Variants in FRMPD4 observed in about 807,000 individuals in gnomAD.
FRMPD4 encodes FERM and PDZ domain-containing protein 4.
A neutral mutation model predicts 94.1 loss-of-function variants in FRMPD4; 22 were observed. The ratio of observed to expected loss-of-function variants is 0.23; its 90% CI spans 0.17 to 0.33. The LOEUF is 0.33. Among genes scored for constraint, FRMPD4 ranks in the 10% least tolerant of loss-of-function variants. FRMPD4 has a pLI of 1.00. For synonymous variants in FRMPD4, 631 were observed against 548.6 expected, an observed-to-expected ratio of 1.15 and a Z score of -2.10; for missense variants, 1,111 against 1,339.9, an observed-to-expected ratio of 0.83 and a Z score of 2.67.
At chrX:12,309,448 G>T (rs1257505289) in intron 1 of FRMPD4, among the ~76,000 whole-genome samples, 2 of 112,563 alleles carry the variant, frequency 1.8e-5, no homozygotes, top group African/African-American at 6.4e-5. Context: ...ACTTGTGTTT[G>T]CAGTACTTAA....
intron 1 of FRMPD4, among the ~76,000 whole-genome samples, chrX:12,374,315 C>G (rs968455257): frequency 8.9e-6 from 1 of 111,893 alleles, no homozygotes; most frequent in African/African-American, 3.2e-5. Context: ...GAGAAAGAGA[C>G]TTTCTTTGAG....
At position 11,840,884 on chromosome X, in the gene FRMPD4, T is replaced by A. The variant is rs1275350220; in HGVS notation, c.-161+18169T>A. Among the ~76,000 whole-genome samples, 189 of 84,353 alleles carry A rather than the reference T, an allele frequency of 2.2e-3. 1 individual carries two copies. Among genetic ancestry groups the A allele is most frequent in the Non-Finnish European group, 3.8e-3 (166 of 43,686 alleles). 73.3% of individuals were successfully genotyped at this position (84,353 alleles called of 115,157 possible). On this transcript the variant is annotated intron_variant, in intron 1 of 18. Transcript: ENST00000640291. ...GCATTACGTATATCTCCTAAAGCTA[T>A]CCCGCCCCCCTCCCCCCACCCTACA...
intron 1 of FRMPD4, among the ~76,000 whole-genome samples, chrX:11,828,746 T>C (rs994703474): frequency 1.8e-5 from 2 of 112,361 alleles, no homozygotes; most frequent in Non-Finnish European, 3.8e-5. Context: ...CGCAGTTTTT[T>C]TTCACACCAC....
intron 1 of FRMPD4, among the ~76,000 whole-genome samples, chrX:12,177,864 A>G (rs1351880572): frequency 8.9e-6 from 1 of 111,926 alleles, no homozygotes; most frequent in Non-Finnish European, 1.9e-5. Context: ...GAGACACCGA[A>G]TAATTCAGGG....
chrX:12,337,920 A>G (rs1314897066), intron 1 of FRMPD4, among the ~76,000 whole-genome samples: 3 of 112,359 alleles, frequency 2.7e-5, no homozygotes, highest in African/African-American at 9.7e-5. Context: ...AACAATAGAA[A>G]TGTATTGCTT....
chrX:12,073,086 A>AT (rs1489275692), intron 3 of FRMPD4, among the ~76,000 whole-genome samples: 4 of 111,302 alleles, frequency 3.6e-5, no homozygotes, highest in Non-Finnish European at 7.5e-5. Context: ...ATGTAGGTCT[A>AT]TTTTTTTAAC....
intron 5 of FRMPD4, among the ~76,000 whole-genome samples, chrX:12,678,651 C>T (rs1334298149): frequency 1.8e-5 from 2 of 111,665 alleles, no homozygotes; most frequent in Non-Finnish European, 3.8e-5. Flanking sequence ...CATGGAGAAA[C>T]CCCGTCTCTA....
intron 3 of FRMPD4, among the ~76,000 whole-genome samples, chrX:11,952,059 C>T (rs1344218585): frequency 8.9e-6 from 1 of 112,400 alleles, no homozygotes; most frequent in African/African-American, 3.2e-5. Context: ...TACATACGTA[C>T]ATGCATACAT....
intron 1 of FRMPD4, among the ~76,000 whole-genome samples, chrX:12,152,807 T>C (rs1362337603): frequency 1.8e-5 from 2 of 108,337 alleles, no homozygotes; most frequent in African/African-American, 3.3e-5. Context: ...TAGAATTTAG[T>C]ATTCTGAAGC....
At chrX:12,626,461 A>G (rs5979690) in intron 4 of FRMPD4, among the ~76,000 whole-genome samples, 2,446 of 107,542 alleles carry the variant, frequency 0.023, 70 homozygotes, top group African/African-American at 0.077. Flanking sequence ...GAGAGCCAAT[A>G]CAACTATCAG....
intron 1 of FRMPD4, among the ~76,000 whole-genome samples, chrX:12,336,718 A>C (rs192345746): frequency 3.6e-5 from 4 of 111,728 alleles, no homozygotes; most frequent in African/African-American, 1.3e-4. Context: ...TATGTTTTTG[A>C]TGTAGCCAAA....
chrX:12,508,048 GCTTA>G (rs1395891786), intron 2 of FRMPD4, among the ~76,000 whole-genome samples: 4 of 112,173 alleles, frequency 3.6e-5, no homozygotes, highest in Non-Finnish European at 7.5e-5. Flanking sequence ...AGCAATTTGC[GCTTA>G]CTAATGGTCG....
intron 16 of FRMPD4, among the ~76,000 whole-genome samples, chrX:12,719,807 G>A (rs1023739357): frequency 9.1e-6 from 1 of 110,246 alleles, no homozygotes; most frequent in African/African-American, 3.3e-5. Context: ...CAAAAATTCT[G>A]TGAGATGGGG....
chrX:12,011,962 G>A (rs1190692964), intron 3 of FRMPD4, among the ~76,000 whole-genome samples: 4 of 107,099 alleles, frequency 3.7e-5, no homozygotes, highest in Middle Eastern at 9.4e-3. Context: ...GTGCAGTGGC[G>A]CGATCTCAAC....
At chrX:12,367,709 T>C (rs2056105597) in intron 1 of FRMPD4, among the ~76,000 whole-genome samples, 1 of 111,334 alleles carries the variant, frequency 9.0e-6, no homozygotes, top group Non-Finnish European at 1.9e-5. Context: ...ATGGACCTGG[T>C]CAGGGATTAG....
At chrX:12,669,837 C>A (rs1602293826) in intron 4 of FRMPD4, among the ~76,000 whole-genome samples, 2 of 112,244 alleles carry the variant, frequency 1.8e-5, no homozygotes, top group Admixed American at 9.5e-5. Flanking sequence ...GCCCAGCTGA[C>A]ACCTTGATTT....
intron 1 of FRMPD4, among the ~76,000 whole-genome samples, chrX:12,232,621 G>C (rs1009218760): frequency 2.7e-5 from 3 of 111,499 alleles, no homozygotes; most frequent in Non-Finnish European, 5.7e-5. Flanking sequence ...AGAGAGATTA[G>C]ATTGGCAAAA....
intron 1 of FRMPD4, among the ~76,000 whole-genome samples, chrX:11,844,680 T>A (rs1225452964): frequency 8.9e-6 from 1 of 112,331 alleles, no homozygotes; most frequent in African/African-American, 3.2e-5. Flanking sequence ...TGCCTTTTTG[T>A]CATGTTGTGA....
intron 15 of FRMPD4, 100 bp downstream of exon 15, chrX:12,717,233 C>T: frequency 1.9e-6 from 1 of 519,896 alleles, no homozygotes; most frequent in Non-Finnish European, 3.1e-6. Context: ...TTCTCCATTT[C>T]ACACATGTCC....
Sources: gnomAD v4.1 joint callset for allele counts (sites outside exome capture counted in the v4.1 genomes callset) on GRCh38, gnomAD v4.1.1 for gene constraint, MANE v1.5 for transcripts, NCBI Gene and HGNC (gene_info 2026-07-23, HGNC 2026-07-21) for gene names.